Variants in FOXJ3 observed in about 807,000 individuals in gnomAD.
The protein encoded by FOXJ3 is forkhead box J3.
In FOXJ3, 22 loss-of-function variants were observed where a neutral mutation model predicts 76.1. That is an observed-to-expected ratio of 0.29 (90% CI 0.21 to 0.41). The LOEUF is 0.41. Among genes scored for constraint, FOXJ3 ranks in the 10% least tolerant of loss-of-function variants. The pLI is 1.00. For synonymous variants in FOXJ3, 269 were observed against 261.2 expected (o/e 1.03, Z -0.29); for missense variants, 613 against 762.1 (o/e 0.80, Z 2.30).
At chr1:42,197,398 A>G (rs781781030) in intron 7 of FOXJ3, among the ~76,000 whole-genome samples, 28 of 152,020 alleles carry the variant, frequency 1.8e-4, no homozygotes, top group Non-Finnish European at 3.7e-4. Flanking sequence ...TATATAATTT[A>G]CTCATTCTGT....
At chr1:42,290,322 C>G (rs1426138182) in intron 2 of FOXJ3, among the ~76,000 whole-genome samples, 3 of 152,108 alleles carry the variant, frequency 2.0e-5, no homozygotes, top group Non-Finnish European at 4.4e-5. Flanking sequence ...CCGTTACCTA[C>G]TACTAGTTAA....
chr1:42,298,472 C>A (rs187732461), intron 2 of FOXJ3, among the ~76,000 whole-genome samples: 4 of 152,306 alleles, frequency 2.6e-5, no homozygotes, highest in Admixed American at 2.6e-4. Flanking sequence ...ATGTTCACAG[C>A]AGTCTCTGAT....
intron 1 of FOXJ3, among the ~76,000 whole-genome samples, chr1:42,325,363 C>T (rs917979347): frequency 6.6e-6 from 1 of 152,234 alleles, no homozygotes; most frequent in Admixed American, 6.5e-5. Context: ...ACAAGCTACT[C>T]ATTCTGCCTT....
At chr1:42,190,308 T>C (rs1646516503) in intron 9 of FOXJ3, among the ~76,000 whole-genome samples, 1 of 152,206 alleles carries the variant, frequency 6.6e-6, no homozygotes, top group Admixed American at 6.5e-5. Flanking sequence ...TGGTTTGCTT[T>C]TGCTACATCA....
chr1:42,290,548 C>CG (rs1653350907), intron 2 of FOXJ3, among the ~76,000 whole-genome samples: 1 of 152,186 alleles, frequency 6.6e-6, no homozygotes, highest in Non-Finnish European at 1.5e-5. Flanking sequence ...TACCCAGACT[C>CG]TAAGAATCTC....
chr1:42,307,883 A>C (rs1319250862), intron 2 of FOXJ3, among the ~76,000 whole-genome samples: 1 of 152,196 alleles, frequency 6.6e-6, no homozygotes, highest in Non-Finnish European at 1.5e-5. Context: ...AGTAAGTCTA[A>C]TTTTAACAAC....
At position 42,285,636 on chromosome 1, in the gene FOXJ3, C is replaced by T. The variant is rs183703618; in HGVS notation, c.45-6964G>A. On this transcript the variant is annotated intron_variant, in intron 2 of 12. Transcript: ENST00000361346. ...AAACGGCATCTTTATCAATACCAAT[C>T]TAAGATGTGGCCATTGAGGATAGTG... is the stretch of plus-strand genomic sequence containing the variant. Among the ~76,000 whole-genome samples, 308 of 152,266 alleles carry T rather than the reference C, an allele frequency of 2.0e-3. 1 individual carries two copies. The highest frequency in any genetic ancestry group is 6.8e-3 in the Admixed American group (104 of 15,298).
In FOXJ3 at chr1:42,227,867, G is replaced by T; in HGVS notation, c.528+16C>A. On this transcript the variant is annotated intron_variant, in intron 5 of 12. Transcript: ENST00000361346. ...ATTCAATGCATTACACTAAATTTAT[G>T]ATAAAGAGCCTTTACCCGTTCTACA... 2 of 1,472,716 alleles carry T rather than the reference G, an allele frequency of 1.4e-6. No homozygotes were observed. Among genetic ancestry groups the T allele is most frequent in the East Asian group, 2.3e-5 (1 of 43,380 alleles). The allele number at this position is 1,472,716 out of a possible 1,614,324, so 91.2% of individuals were successfully genotyped here.
intron 2 of FOXJ3, among the ~76,000 whole-genome samples, chr1:42,306,969 C>G (rs937609044): frequency 6.6e-6 from 1 of 152,156 alleles, no homozygotes; most frequent in Non-Finnish European, 1.5e-5. Flanking sequence ...CCGTATTCTG[C>G]TTTGTGGTGC....
At chr1:42,191,230 A>C in intron 9 of FOXJ3, 73 bp downstream of exon 9, 7 of 1,397,088 alleles carry the variant, frequency 5.0e-6, no homozygotes, top group Non-Finnish European at 6.8e-6. Flanking sequence ...TAAATACTAC[A>C]TGAGCTCTAA....
chr1:42,334,969 G>C (rs571224782), intron 1 of FOXJ3, 90 bp downstream of exon 1: 2,796 of 152,340 alleles, frequency 0.018, 40 homozygotes, highest in Middle Eastern at 0.03. Context: ...GTCTCGCGGA[G>C]GACAGCCCCT....
chr1:42,227,248 TTGTA>T (rs1647648514), intron 5 of FOXJ3, among the ~76,000 whole-genome samples: 1 of 152,204 alleles, frequency 6.6e-6, no homozygotes, highest in African/African-American at 2.4e-5. Flanking sequence ...GGATATGTGT[TTGTA>T]TGTTTTAGTT....
chr1:42,224,312 G>A (rs1220551024), intron 5 of FOXJ3, among the ~76,000 whole-genome samples: 3 of 152,186 alleles, frequency 2.0e-5, no homozygotes, highest in South Asian at 2.1e-4. Flanking sequence ...AAAGGAAAAG[G>A]AGATTTATAA....
intron 4 of FOXJ3, among the ~76,000 whole-genome samples, chr1:42,257,174 CCTTT>C (rs1236208739): frequency 3.3e-5 from 5 of 152,160 alleles, no homozygotes; most frequent in Non-Finnish European, 7.3e-5. Flanking sequence ...ACAGTAATGT[CCTTT>C]CTGACGGAAA....
intron 7 of FOXJ3, among the ~76,000 whole-genome samples, chr1:42,196,043 C>T (rs1465463626): frequency 6.6e-6 from 1 of 152,222 alleles, no homozygotes; most frequent in Non-Finnish European, 1.5e-5. Context: ...TTCTCATCTA[C>T]CTCCCTGGCT....
chr1:42,249,208 G>C (rs182336108), intron 4 of FOXJ3, among the ~76,000 whole-genome samples: 240 of 152,220 alleles, frequency 1.6e-3, no homozygotes, highest in African/African-American at 5.3e-3. Flanking sequence ...AAACATACAT[G>C]TGCATGTATC....
intron 2 of FOXJ3, among the ~76,000 whole-genome samples, chr1:42,293,606 A>T (rs1367692086): frequency 6.6e-6 from 1 of 152,244 alleles, no homozygotes; most frequent in African/African-American, 2.4e-5. Flanking sequence ...TAAAGCATGA[A>T]TGAGTATCTC....
intron 3 of FOXJ3, 40 bp from the exon 4 acceptor site, chr1:42,265,229 C>T (rs1651374677): frequency 1.8e-6 from 2 of 1,093,424 alleles, no homozygotes; most frequent in African/African-American, 1.6e-5. Flanking sequence ...CAATAAAATC[C>T]AAAAAACATA....
rs1316642241 is a variant in FOXJ3 at position 42,334,977 on chromosome 1, C to G, written c.-18+82G>C. The G allele has an allele frequency of 2.6e-5, 4 of 152,320 alleles. No individual in the cohort carries two copies. The East Asian group carries it at 7.8e-4, about 30-fold the overall frequency. 9.4% of individuals were successfully genotyped at this position (152,320 alleles called of 1,614,324 possible). On this transcript the variant is annotated intron_variant, in intron 1 of 12. Coordinates refer to ENST00000361346, the MANE Select transcript of FOXJ3 (RefSeq NM_014947.5). The stretch of plus-strand genomic sequence containing the variant: ...AGAGGGCGTCTCGCGGAGGACAGCC[C>G]CTGCCTCCGTCCCGGGAGATGCCAC...
Sources: gnomAD v4.1 joint callset for allele counts (sites outside exome capture counted in the v4.1 genomes callset) on GRCh38, gnomAD v4.1.1 for gene constraint, MANE v1.5 for transcripts, NCBI Gene and HGNC (gene_info 2026-07-23, HGNC 2026-07-21) for gene names.